The following HECTD4 variants were observed in gnomAD, a reference collection of about 807,000 sequenced individuals.
HECTD4 encodes probable E3 ubiquitin-protein ligase HECTD4.
HECTD4 carries 114 observed loss-of-function variants against 471.5 expected under a neutral mutation model. That is an observed-to-expected ratio of 0.24 (90% confidence interval 0.21 to 0.28). HECTD4 has a LOEUF of 0.28. Among genes scored for constraint, HECTD4 ranks in the 10% least tolerant of loss-of-function variants. The pLI, the probability that HECTD4 is intolerant of heterozygous loss-of-function variation, is 1.00. For synonymous variants in HECTD4, 2,012 were observed against 2,256.0 expected (o/e 0.89, Z 3.07); for missense variants, 3,866 against 5,651.5 (o/e 0.68, Z 10.13).
In HECTD4 at chr12:112,244,013, G is replaced by C; in HGVS notation, c.4514-4C>G. The C allele has an allele frequency of 6.2e-7, 1 of 1,605,864 alleles. No individual in the cohort carries two copies. The highest frequency in any genetic ancestry group is 2.2e-5 in the East Asian group (1 of 44,842). On this transcript the variant is annotated splice_polypyrimidine_tract_variant and splice_region_variant and intron_variant, in intron 29 of 75. Transcript: ENST00000682272. ...GTTTCAGAAGCTGATTTACAAGCTA[G>C]AAAAAAAAGGAATAAAAAGGCTGAC...
rs559056127 is a variant in HECTD4 at position 112,290,251 on chromosome 12, T to C, written c.1336-6949A>G. ...GAGAGGATCACTTGAGCCCGGGAGG[T>C]TGAGGCTACAGTAAGCCGTGATCAT... is the stretch of plus-strand genomic sequence containing the variant. On this transcript the variant is annotated intron_variant, in intron 7 of 75. Transcript: ENST00000682272. Among the ~76,000 whole-genome samples, 6 of 150,598 alleles carry C rather than the reference T, an allele frequency of 4.0e-5. No homozygotes were observed. The South Asian group carries it at 1.3e-3, about 32-fold the overall frequency.
At position 112,193,374 on chromosome 12, in the gene HECTD4, T is replaced by C; in HGVS notation, c.8955+95A>G. 1 of 1,369,612 alleles carries C rather than the reference T, an allele frequency of 7.3e-7. No individual in the cohort carries two copies. Among genetic ancestry groups the C allele is most frequent in the Non-Finnish European group, 1.0e-6 (1 of 985,010 alleles). The allele number at this position is 1,369,612 out of a possible 1,614,324, so 84.8% of individuals were successfully genotyped here. On this transcript the variant is annotated intron_variant, in intron 57 of 75. Transcript: ENST00000682272. This position sits in a 1 kb window ranked among gnomAD's most constrained non-coding sequence, Gnocchi z 5.2. ...AAAGGAAATCGAGAGGAATAGGGAC[T>C]TGGAAGGGAAAGGGGAGTCATTTTC...
chr12:112,218,977 G>T (rs1287481363), intron 45 of HECTD4, among the ~76,000 whole-genome samples: 3 of 151,816 alleles, frequency 2.0e-5, no homozygotes, highest in Non-Finnish European at 4.4e-5. Context: ...CATGTGATCT[G>T]CCCAGCATGG....
intron 1 of HECTD4, among the ~76,000 whole-genome samples, chr12:112,330,463 T>G (rs1350744526): frequency 6.6e-6 from 1 of 152,232 alleles, no homozygotes; most frequent in Non-Finnish European, 1.5e-5. Context: ...CACCAAATGC[T>G]TGGCATAAAT....
intron 11 of HECTD4, among the ~76,000 whole-genome samples, chr12:112,270,759 G>A (rs931593556): frequency 6.6e-6 from 1 of 152,102 alleles, no homozygotes; most frequent in African/African-American, 2.4e-5. Context: ...CTGTTTTGTA[G>A]AGCAATAAAC....
In HECTD4 at chr12:112,161,559, A is replaced by C. The variant is rs1450346128; in HGVS notation, c.*828T>G. 1 of 151,534 alleles carries C rather than the reference A, an allele frequency of 6.6e-6. No individual in the cohort carries two copies. The highest frequency in any genetic ancestry group is 6.6e-5 in the Admixed American group (1 of 15,192). 9.4% of individuals were successfully genotyped at this position (151,534 alleles called of 1,614,324 possible). A position where few individuals can be genotyped will look rare whatever the true frequency, so the allele number is the denominator to read the frequency against. On this transcript the variant is annotated 3_prime_UTR_variant, in exon 76 of 76. Coordinates refer to ENST00000682272, the MANE Select transcript of HECTD4 (RefSeq NM_001388303.1). The stretch of plus-strand genomic sequence containing the variant: ...TGAATCATGTGCTTTCCTCTCAACC[A>C]GAGTCTCGGAGGAGGCCCCCACCTG...
In HECTD4 at chr12:112,166,020, G is replaced by A. The variant is rs1159607457; in HGVS notation, c.12534+1297C>T. Among the ~76,000 whole-genome samples, 1 of 152,194 alleles carries A rather than the reference G, an allele frequency of 6.6e-6. No individual in the cohort carries two copies. Among genetic ancestry groups the A allele is most frequent in the Non-Finnish European group, 1.5e-5 (1 of 68,024 alleles). ...CCTAGTATGCACCCCACAACACCAT[G>A]TGGTTCTGCATCCCATACCCTCTGG... On this transcript the variant is annotated intron_variant, in intron 72 of 75. Coordinates refer to ENST00000682272, the MANE Select transcript of HECTD4 (RefSeq NM_001388303.1). This position sits in a 1 kb window ranked among gnomAD's most constrained non-coding sequence, Gnocchi z 4.6.
At chr12:112,330,863 A>T (rs2035833040) in intron 1 of HECTD4, among the ~76,000 whole-genome samples, 1 of 152,210 alleles carries the variant, frequency 6.6e-6, no homozygotes, top group South Asian at 2.1e-4. Flanking sequence ...TCCACATAAG[A>T]ACCTTTTAAT....
rs1157434848 is a variant in HECTD4 at position 112,179,854 on chromosome 12, T to C, written c.10988-457A>G. Among the ~76,000 whole-genome samples, 1 of 152,214 alleles carries C rather than the reference T, an allele frequency of 6.6e-6. No individual in the cohort carries two copies. Among genetic ancestry groups the C allele is most frequent in the Non-Finnish European group, 1.5e-5 (1 of 68,036 alleles). ...ATAGATAGCCAGCAAGTATTTTTAG[T>C]GGGAAGTACAACTTGTTAAACAGGT... On this transcript the variant is annotated intron_variant, in intron 62 of 75. Transcript: ENST00000682272. This position sits in a 1 kb window ranked among gnomAD's most constrained non-coding sequence, Gnocchi z 4.3.
Position 112,194,894 on chromosome 12 carries a change from G to A in HECTD4, c.8740C>T (p.Pro2914Ser). The A allele has an allele frequency of 1.2e-6, 2 of 1,605,496 alleles. No homozygotes were observed. Among genetic ancestry groups the A allele is most frequent in the Non-Finnish European group, 8.5e-7 (1 of 1,176,194 alleles). The change falls in exon 56 of 76, where the codon CCT becomes TCT. Residue 2914 changes from proline (P) to serine (S), a missense_variant. Around this residue, in one of 16 missense-constraint regions of HECTD4, gnomAD observed 266 missense variants for 441.6 expected, o/e 0.60. Transcript: ENST00000682272. This position sits in a 1 kb window ranked among gnomAD's most constrained non-coding sequence, Gnocchi z 4.6. Reference sequence around the variant, plus strand: ...CAAAGCCAAGTTTTACCTGGGAGAGGAGGTGCGAGGAGCTGATTGGACAGC... The same window carrying A: ...CAAAGCCAAGTTTTACCTGGGAGAGAAGGTGCGAGGAGCTGATTGGACAGC... ...QLLSNQLLAP[P>S]LPDGTISSSS...
chr12:112,210,291 C>T (rs776818649), intron 49 of HECTD4, 39 bp from the exon 50 acceptor site: 13 of 1,593,198 alleles, frequency 8.2e-6, no homozygotes, highest in South Asian at 3.3e-5. Flanking sequence ...GAAAGACTTA[C>T]GTTTATTTTT....
intron 1 of HECTD4, among the ~76,000 whole-genome samples, chr12:112,379,036 C>T (rs990389931): frequency 4.0e-5 from 6 of 150,564 alleles, no homozygotes; most frequent in African/African-American, 1.2e-4. Context: ...AGCAAGACTC[C>T]GTCTCAAAAA....
At chr12:112,164,310 G>A (rs1349089234) in intron 72 of HECTD4, 35 bp from the exon 73 acceptor site, 1 of 1,584,612 alleles carries the variant, frequency 6.3e-7, no homozygotes, top group East Asian at 2.3e-5. Flanking sequence ...CTCATTATGA[G>A]GCCATGGGAG....
rs369698070 is a variant in HECTD4, at chr12:112,188,832, C to A, written c.9472+1954G>T. ...TCCACAGAGGACAGGTGTCCTTGCT[C>A]CCCTCTCTGCTGGGGCACAGGGCTA... is the stretch of plus-strand genomic sequence containing the variant. On this transcript the variant is annotated intron_variant, in intron 60 of 75. Transcript: ENST00000682272. This position sits in a 1 kb window ranked among gnomAD's most constrained non-coding sequence, Gnocchi z 4.2. 5.3e-5 allele frequency among the ~76,000 whole-genome samples: 8 copies of A among 152,322 alleles called. No individual in the cohort carries two copies. The South Asian group carries it at 1.2e-3, about 24-fold the overall frequency.
Position 112,173,977 on chromosome 12 carries a change from T to C in HECTD4, c.11595-1116A>G, listed in dbSNP as rs1238203370. On this transcript the variant is annotated intron_variant, in intron 66 of 75. Transcript: ENST00000682272. The surrounding 1 kb of genome is among the most constrained non-coding windows in gnomAD (Gnocchi z 4.3). ...TGTTTTGGTAGCCATTTTCTTTCCT[T>C]TTCTTTTTTTTTTTTTTGAGTTGGA... 1.3e-5 allele frequency among the ~76,000 whole-genome samples: 2 copies of C among 151,936 alleles called. No individual in the cohort carries two copies. The highest frequency in any genetic ancestry group is 2.9e-5 in the Non-Finnish European group (2 of 67,992).
rs1406542573 is a variant in HECTD4 at position 112,161,548 on chromosome 12, T to G, written c.*839A>C. The G allele has an allele frequency of 6.6e-6, 1 of 152,362 alleles. No individual in the cohort carries two copies. Among genetic ancestry groups the G allele is most frequent in the Non-Finnish European group, 1.5e-5 (1 of 68,232 alleles). The allele number at this position is 152,362 out of a possible 1,614,324, so 9.4% of individuals were successfully genotyped here. A position where few individuals can be genotyped will look rare whatever the true frequency, so the allele number is the denominator to read the frequency against. ...TGGGGTAGGCTTGAATCATGTGCTT[T>G]CCTCTCAACCAGAGTCTCGGAGGAG... is the stretch of plus-strand genomic sequence containing the variant. On this transcript the variant is annotated 3_prime_UTR_variant, in exon 76 of 76. Coordinates refer to ENST00000682272, the MANE Select transcript of HECTD4 (RefSeq NM_001388303.1).
chr12:112,334,616 C>A (rs367842758), intron 1 of HECTD4, among the ~76,000 whole-genome samples: 24 of 146,864 alleles, frequency 1.6e-4, no homozygotes, highest in African/African-American at 5.8e-4. Context: ...AACACAGTAA[C>A]CCCTGTCTCT....
intron 37 of HECTD4, among the ~76,000 whole-genome samples, chr12:112,233,913 C>T (rs1181711301): frequency 6.6e-6 from 1 of 152,170 alleles, no homozygotes; most frequent in Non-Finnish European, 1.5e-5. Flanking sequence ...ACTTTATTTA[C>T]CCTCACCTTG....
chr12:112,197,813 C>A (rs1340035444), intron 55 of HECTD4, among the ~76,000 whole-genome samples: 1 of 152,176 alleles, frequency 6.6e-6, no homozygotes, highest in East Asian at 1.9e-4. Context: ...TTTAATAATA[C>A]CATGTTGATA....
Sources: allele counts gnomAD v4.1 joint callset (sites outside exome capture counted in the v4.1 genomes callset), GRCh38; gene constraint gnomAD v4.1.1; regional missense constraint gnomAD v4.1.1; non-coding constraint Gnocchi (gnomAD v3.1); transcripts MANE v1.5; gene names NCBI Gene and HGNC (gene_info 2026-07-23, HGNC 2026-07-21).